TENM3: variants seen among roughly 807,000 people sequenced by gnomAD.
TENM3 encodes the protein teneurin-3.
TENM3 carries 63 observed loss-of-function variants against 255.1 expected under a neutral mutation model. That is an observed-to-expected ratio of 0.25 (90% confidence interval 0.20 to 0.30). The LOEUF (loss-of-function observed/expected upper bound fraction) is 0.30, where lower values mean the gene tolerates loss of function less well. Ranked by LOEUF, TENM3 falls within the 10% of genes least tolerant of loss-of-function variation. TENM3 has a pLI of 1.00. For synonymous variants in TENM3, 1,306 were observed against 1,322.3 expected, an observed-to-expected ratio of 0.99 and a Z score of 0.27; for missense variants, 2,929 against 3,461.1, an observed-to-expected ratio of 0.85 and a Z score of 3.86.
chr4:182,262,750 C>G (rs1438734444), intron 1 of TENM3, among the ~76,000 whole-genome samples: 3 of 130,064 alleles, frequency 2.3e-5, no homozygotes, highest in Non-Finnish European at 4.7e-5. Context: ...GAGACGGAAT[C>G]TCGCCCAGGC....
the TENM3 span, among the ~76,000 whole-genome samples, chr4:181,521,593 G>A: frequency 1.3e-5 from 2 of 152,212 alleles, no homozygotes; most frequent in South Asian, 4.1e-4. Context: ...AGATTATATT[G>A]TGTACAACAA....
At chr4:182,332,567 G>C (rs1405174312) in intron 2 of TENM3, among the ~76,000 whole-genome samples, 1 of 151,992 alleles carries the variant, frequency 6.6e-6, no homozygotes, top group South Asian at 2.1e-4. Flanking sequence ...GGTGGTGGGC[G>C]CCTGTAATCC....
the TENM3 span, among the ~76,000 whole-genome samples, chr4:181,799,391 C>T: frequency 6.6e-6 from 1 of 152,164 alleles, no homozygotes; most frequent in African/African-American, 2.4e-5. Context: ...GTCAAATTTG[C>T]AAAATAGGAT....
the TENM3 span, among the ~76,000 whole-genome samples, chr4:181,888,503 T>TGTATATATATAC: frequency 7.8e-5 from 2 of 25,608 alleles, 1 homozygote; most frequent in Admixed American, 1.2e-3. Flanking sequence ...TGTATATATA[T>TGTATATATATAC]ATATATATAT....
the TENM3 span, among the ~76,000 whole-genome samples, chr4:181,997,751 C>G: frequency 1.3e-5 from 2 of 152,126 alleles, no homozygotes; most frequent in Admixed American, 1.3e-4. Context: ...GTTTGCTGAT[C>G]TGTAAAATGG....
chr4:181,583,525 C>T, the TENM3 span, among the ~76,000 whole-genome samples: 30 of 152,078 alleles, frequency 2.0e-4, no homozygotes, highest in East Asian at 7.7e-4. Context: ...TCATTTAAAC[C>T]GCCCTTGAAA....
At chr4:182,031,339 C>T in the TENM3 span, among the ~76,000 whole-genome samples, 12 of 152,098 alleles carry the variant, frequency 7.9e-5, no homozygotes, top group South Asian at 6.2e-4. Flanking sequence ...GTTTTTATCA[C>T]GTTTGTTGAA....
chr4:182,508,113 A>C (rs62337216), intron 3 of TENM3, among the ~76,000 whole-genome samples: 9,641 of 152,186 alleles, frequency 0.063, 363 homozygotes, highest in East Asian at 0.11. Flanking sequence ...TAAAATGGGG[A>C]TAAATACTAC....
At chr4:182,378,534 T>A (rs940191445) in intron 3 of TENM3, among the ~76,000 whole-genome samples, 9 of 151,946 alleles carry the variant, frequency 5.9e-5, no homozygotes, top group African/African-American at 2.2e-4. Context: ...ACAAGTTAGA[T>A]AACATAGCAG....
the TENM3 span, among the ~76,000 whole-genome samples, chr4:181,730,808 A>C: frequency 6.6e-6 from 1 of 152,170 alleles, no homozygotes; most frequent in South Asian, 2.1e-4. Flanking sequence ...CAGCTCCAAA[A>C]ATTAAGCTGT....
chr4:181,557,867 A>G, the TENM3 span, among the ~76,000 whole-genome samples: 1 of 152,230 alleles, frequency 6.6e-6, no homozygotes, highest in Admixed American at 6.5e-5. Context: ...AATTTAGAAA[A>G]TAAAAATAAG....
chr4:182,231,990 A>C lies in TENM3; in HGVS notation c.-76+87236A>C, dbSNP rs183072708. The stretch of plus-strand genomic sequence containing the variant: ...TATGTGCCTGTGATATGCATTGAAA[A>C]TCATTTGCCTAAACTTCCTGCTAAC... On this transcript the variant is annotated intron_variant, in intron 1 of 2. Coordinates refer to the TENM3 transcript ENST00000512480. 5.3e-5 allele frequency among the ~76,000 whole-genome samples: 8 copies of C among 152,320 alleles called. No individual in the cohort carries two copies. The East Asian group carries it at 1.5e-3, about 29-fold the overall frequency.
chr4:181,535,857 A>C, the TENM3 span, among the ~76,000 whole-genome samples: 1 of 152,086 alleles, frequency 6.6e-6, no homozygotes, highest in Non-Finnish European at 1.5e-5. Flanking sequence ...ACAGCTCCTC[A>C]TTAAGCCCCT....
At chr4:182,625,064 A>G (rs1443048039) in intron 4 of TENM3, among the ~76,000 whole-genome samples, 4 of 152,212 alleles carry the variant, frequency 2.6e-5, no homozygotes, top group Admixed American at 2.0e-4. Context: ...GAAAATTGTA[A>G]TGAAACAACA....
At chr4:182,735,317 G>A (rs1182083189) in intron 16 of TENM3, among the ~76,000 whole-genome samples, 1 of 152,172 alleles carries the variant, frequency 6.6e-6, no homozygotes, top group East Asian at 1.9e-4. Flanking sequence ...CCCTCTTCAT[G>A]CCAACACTGA....
At chr4:182,036,471 G>A in the TENM3 span, among the ~76,000 whole-genome samples, 831 of 142,468 alleles carry the variant, frequency 5.8e-3, 31 homozygotes, top group Admixed American at 0.049. Flanking sequence ...GATTACAGGC[G>A]TGAACCACCG....
the TENM3 span, among the ~76,000 whole-genome samples, chr4:181,788,779 G>A: frequency 1.3e-5 from 2 of 152,056 alleles, no homozygotes; most frequent in Non-Finnish European, 2.9e-5. Context: ...TTAACTTTTT[G>A]TAGAAAGGAG....
At chr4:181,678,919 G>A in the TENM3 span, among the ~76,000 whole-genome samples, 1 of 151,160 alleles carries the variant, frequency 6.6e-6, no homozygotes, top group Non-Finnish European at 1.5e-5. Context: ...ACAGCGATAT[G>A]ATGATAATAC....
upstream of TENM3, chr4:182,144,276 C>T (rs9995795): frequency 0.031 from 4,703 of 150,496 alleles, 221 homozygotes; most frequent in African/African-American, 0.11. Flanking sequence ...CGGCGCGTCC[C>T]CCGCCGCACA....
Sources: allele counts gnomAD v4.1 joint callset (sites outside exome capture counted in the v4.1 genomes callset), GRCh38; gene constraint gnomAD v4.1.1; transcripts MANE v1.5; gene names NCBI Gene and HGNC (gene_info 2026-07-23, HGNC 2026-07-21).